FOXP1: variants seen among roughly 807,000 people sequenced by gnomAD.
The protein encoded by FOXP1 is forkhead box protein P1.
A neutral mutation model predicts 98.2 loss-of-function variants in FOXP1; 15 were observed. The ratio of observed to expected loss-of-function variants is 0.15; its 90% CI spans 0.10 to 0.24. FOXP1 has a LOEUF of 0.24. FOXP1 is among the 10% of genes least tolerant of loss of function. FOXP1 has a pLI of 1.00. For missense variants in FOXP1, 633 were observed against 848.5 expected (o/e 0.75, Z 3.15); for synonymous variants, 371 against 314.5 (o/e 1.18, Z -1.90).
intron 6 of FOXP1, among the ~76,000 whole-genome samples, chr3:71,162,356 T>C (rs2061179548): frequency 6.6e-6 from 1 of 152,208 alleles, no homozygotes; most frequent in Non-Finnish European, 1.5e-5. Flanking sequence ...AGAATTCTGA[T>C]TAACCACTGC....
At position 71,497,634 on chromosome 3, in the gene FOXP1, C is replaced by T. The variant is rs371680070; in HGVS notation, c.-297-4079G>A. 9.2e-5 allele frequency among the ~76,000 whole-genome samples: 14 copies of T among 152,262 alleles called. No homozygotes were observed. The East Asian group carries it at 2.1e-3, about 23-fold the overall frequency. ...AAACAAGTTCCAGGAATCTGCTGTT[C>T]TACCCAACAGATACCCCAGGTAACT... On this transcript the variant is annotated intron_variant, in intron 2 of 20. Coordinates refer to ENST00000649528, the MANE Select transcript of FOXP1 (RefSeq NM_001349338.3).
At position 71,482,947 on chromosome 3, in the gene FOXP1, C is replaced by G. The variant is rs546307720; in HGVS notation, c.-168+10479G>C. 6.6e-5 allele frequency among the ~76,000 whole-genome samples: 10 copies of G among 151,984 alleles called. No homozygotes were observed. In the Middle Eastern group the frequency reaches 0.01, roughly 155 times the overall value. ...CCTCCAGGATTCAAACTATCCCCCCCACCTCAGCCTCCCATGTAGCTGGGA... is the reference window on the plus strand; with the variant it reads ...CCTCCAGGATTCAAACTATCCCCCCGACCTCAGCCTCCCATGTAGCTGGGA... On this transcript the variant is annotated intron_variant, in intron 3 of 20. Coordinates refer to ENST00000649528, the MANE Select transcript of FOXP1 (RefSeq NM_001349338.3).
chr3:71,060,099 A>G (rs1367742707), intron 7 of FOXP1, among the ~76,000 whole-genome samples: 2 of 152,148 alleles, frequency 1.3e-5, no homozygotes, highest in Non-Finnish European at 2.9e-5. Flanking sequence ...AGAAAATTTC[A>G]TAGGGAGCTT....
intron 12 of FOXP1, among the ~76,000 whole-genome samples, chr3:71,003,198 G>C (rs940746367): frequency 3.3e-5 from 5 of 152,174 alleles, no homozygotes; most frequent in Non-Finnish European, 7.3e-5. Context: ...CGGACAAAAA[G>C]CAAGGCCTTC....
intron 3 of FOXP1, among the ~76,000 whole-genome samples, chr3:71,420,983 G>A (rs1379872883): frequency 6.6e-6 from 1 of 151,944 alleles, no homozygotes; most frequent in Non-Finnish European, 1.5e-5. Flanking sequence ...TGAAATCACG[G>A]ACTACAAGTT....
At chr3:70,987,945 G>A in intron 14 of FOXP1, 49 bp downstream of exon 14, 1 of 1,556,926 alleles carries the variant, frequency 6.4e-7, no homozygotes, top group South Asian at 1.1e-5. Flanking sequence ...AGTAGAAAAG[G>A]AATACTGTGA....
chr3:70,974,345 T>C (rs2037039351), intron 17 of FOXP1, among the ~76,000 whole-genome samples: 1 of 152,196 alleles, frequency 6.6e-6, no homozygotes, highest in Admixed American at 6.5e-5. Context: ...GTTGCCTGAC[T>C]GCAGTGCAGT....
rs2043401268 is a variant in FOXP1 at position 71,010,326 on chromosome 3, T to TGACTCC, written c.974+5217_974+5222dup. Among the ~76,000 whole-genome samples, 5 of 152,264 alleles carry TGACTCC rather than the reference T, an allele frequency of 3.3e-5. No homozygotes were observed. The South Asian group carries it at 1.0e-3, about 32-fold the overall frequency. On this transcript the variant is annotated intron_variant, in intron 12 of 20. Coordinates refer to ENST00000649528, the MANE Select transcript of FOXP1 (RefSeq NM_001349338.3). ...AGCCAGACTGCCTGGGTTTGGACCTTGACTCCACCTCTTATTAGCTGTGTG... is the reference window on the plus strand; with the variant it reads ...AGCCAGACTGCCTGGGTTTGGACCTTGACTCCGACTCCACCTCTTATTAGCTGTGTG...
At chr3:71,109,760 G>C (rs1012740024) in intron 7 of FOXP1, among the ~76,000 whole-genome samples, 1 of 152,228 alleles carries the variant, frequency 6.6e-6, no homozygotes, top group South Asian at 2.1e-4. Flanking sequence ...CTCTGTTTGT[G>C]GAAGGCCAGC....
At chr3:70,982,327 T>A (rs779173806) in intron 14 of FOXP1, among the ~76,000 whole-genome samples, 1 of 152,238 alleles carries the variant, frequency 6.6e-6, no homozygotes, top group Non-Finnish European at 1.5e-5. Flanking sequence ...GTGTTTCTGA[T>A]TGCAGTTCAG....
intron 6 of FOXP1, among the ~76,000 whole-genome samples, chr3:71,177,687 G>T (rs2062021319): frequency 6.6e-6 from 1 of 152,104 alleles, no homozygotes; most frequent in African/African-American, 2.4e-5. Context: ...AGCTCACAGG[G>T]TGCTTGTGAG....
At chr3:71,315,225 G>A (rs2075003738) in intron 4 of FOXP1, among the ~76,000 whole-genome samples, 1 of 151,624 alleles carries the variant, frequency 6.6e-6, no homozygotes, top group Admixed American at 6.6e-5. Context: ...AACCTTTCAT[G>A]TCCTTCTTCA....
At chr3:71,125,246 C>G (rs1017534829) in intron 6 of FOXP1, among the ~76,000 whole-genome samples, 1 of 152,160 alleles carries the variant, frequency 6.6e-6, no homozygotes, top group African/African-American at 2.4e-5. Context: ...TTCTAAATTA[C>G]TTTATATAAA....
chr3:71,018,774 T>C (rs779659786), intron 11 of FOXP1, among the ~76,000 whole-genome samples: 1 of 152,066 alleles, frequency 6.6e-6, no homozygotes, highest in Non-Finnish European at 1.5e-5. Context: ...GAGTCAGGAG[T>C]AGCAGGGAAA....
intron 2 of FOXP1, chr3:71,571,368 T>G (rs559740939): frequency 6.6e-6 from 1 of 152,372 alleles, no homozygotes; most frequent in South Asian, 2.1e-4. Flanking sequence ...ACTAGTCATT[T>G]AAAAAGAGCA....
rs74543707 is a variant in FOXP1, at chr3:71,378,407, A to C, written c.-167-19163T>G. ...CAGTCAACCAGGGTCTGAAAATATT[A>C]AATGGAAAATTCCATAAATTTTCAA... On this transcript the variant is annotated intron_variant, in intron 3 of 20. Transcript: ENST00000649528. 1.6e-3 allele frequency among the ~76,000 whole-genome samples: 243 copies of C among 152,316 alleles called. 3 individuals carry two copies. The East Asian group carries it at 0.038, about 24-fold the overall frequency.
intron 3 of FOXP1, among the ~76,000 whole-genome samples, chr3:71,465,485 C>T (rs1013775681): frequency 3.3e-5 from 5 of 152,116 alleles, no homozygotes; most frequent in East Asian, 3.9e-4. Flanking sequence ...ACAGCCAGGA[C>T]GTGGTCTAAC....
chr3:71,302,513 T>TAAAAAAAAAAAA, intron 4 of FOXP1, among the ~76,000 whole-genome samples: 1 of 131,782 alleles, frequency 7.6e-6, no homozygotes, highest in East Asian at 2.2e-4. Context: ...AGCTTTTATG[T>TAAAAAAAAAAAA]AAAAAAAAAA....
chr3:71,576,032 G>A (rs2047694663), intron 2 of FOXP1, among the ~76,000 whole-genome samples: 1 of 152,206 alleles, frequency 6.6e-6, no homozygotes, highest in African/African-American at 2.4e-5. Context: ...AAAACTCAGA[G>A]AAAATGTTTG....
Sources: gnomAD v4.1 joint callset for allele counts (sites outside exome capture counted in the v4.1 genomes callset) on GRCh38, gnomAD v4.1.1 for gene constraint, MANE v1.5 for transcripts, NCBI Gene and HGNC (gene_info 2026-07-23, HGNC 2026-07-21) for gene names.